The following PARG variants were observed in gnomAD, a reference collection of about 807,000 sequenced individuals.
The protein encoded by PARG is poly(ADP-ribose) glycohydrolase.
In PARG, 35 loss-of-function variants were observed where a neutral mutation model predicts 113.0. The ratio of observed to expected loss-of-function variants is 0.31; its 90% CI spans 0.24 to 0.41. PARG has a LOEUF of 0.41. Among genes scored for constraint, PARG ranks in the 10% least tolerant of loss-of-function variants. PARG has a pLI of 1.00. For synonymous variants in PARG, 330 were observed against 409.9 expected (o/e 0.81, Z 2.36); for missense variants, 797 against 1,169.4 (o/e 0.68, Z 4.64).
intron 14 of PARG, 62 bp downstream of exon 14, chr10:49,843,492 A>AGG: frequency 2.0e-6 from 2 of 985,174 alleles, no homozygotes; most frequent in Non-Finnish European, 3.2e-6. Context: ...AGAGTGTGTG[A>AGG]GGGTCAAGCC....
intron 13 of PARG, among the ~76,000 whole-genome samples, chr10:49,846,036 T>C (rs1315996339): frequency 6.6e-6 from 1 of 150,984 alleles, no homozygotes; most frequent in East Asian, 1.9e-4. Context: ...CCTAGCTAAG[T>C]TGACATTAAA....
chr10:49,842,816 C>T (rs1554832615), intron 14 of PARG, among the ~76,000 whole-genome samples: 1 of 152,116 alleles, frequency 6.6e-6, no homozygotes, highest in Non-Finnish European at 1.5e-5. Flanking sequence ...TAAACATCTA[C>T]ATAGATGTTT....
Position 49,933,808 on chromosome 10 carries a change from C to A in PARG, c.640G>T (p.Val214Leu). The A allele has an allele frequency of 4.3e-6, 7 of 1,613,384 alleles. No individual in the cohort carries two copies. Among genetic ancestry groups the A allele is most frequent in the African/African-American group, 1.3e-5 (1 of 75,048 alleles). The change falls in exon 3 of 18, where the codon GTA becomes TTA. Residue 214 changes from valine to leucine, a missense_variant. Transcript: ENST00000616448. The stretch of plus-strand genomic sequence containing the variant: ...GTCTGCTTTGCATTTGCAAGCTTTA[C>A]AGTTGTGAGAAACTGTTGATTGTCT... ...NRDNQQFLTT[V>L]KLANAKQTTE...
At chr10:49,922,884 G>C (rs1364772286) in intron 4 of PARG, among the ~76,000 whole-genome samples, 2 of 152,078 alleles carry the variant, frequency 1.3e-5, no homozygotes, top group Non-Finnish European at 2.9e-5. Context: ...ATATCCCCTA[G>C]GAATCCTTCC....
At chr10:49,919,591 G>A (rs1165350433) in intron 6 of PARG, among the ~76,000 whole-genome samples, 1 of 152,080 alleles carries the variant, frequency 6.6e-6, no homozygotes, top group Non-Finnish European at 1.5e-5. Flanking sequence ...GGCCAAGGCA[G>A]GTGGATCACT....
chr10:49,823,432 T>C (rs1554829013), intron 16 of PARG, among the ~76,000 whole-genome samples: 1 of 152,166 alleles, frequency 6.6e-6, no homozygotes, highest in Non-Finnish European at 1.5e-5. Context: ...CATCAAAGTA[T>C]GTCCTAATTC....
chr10:49,833,712 T>C (rs1475231939), intron 15 of PARG, among the ~76,000 whole-genome samples: 1 of 152,226 alleles, frequency 6.6e-6, no homozygotes, highest in Non-Finnish European at 1.5e-5. Flanking sequence ...TTGGTCTTTC[T>C]GCCTTCTTTC....
intron 9 of PARG, among the ~76,000 whole-genome samples, chr10:49,877,323 CG>C (rs1564626898): frequency 1.3e-5 from 2 of 151,118 alleles, no homozygotes. Context: ...ATATGGTCTT[CG>C]GGGCTGACAC....
chr10:49,895,885 T>A (rs190376417), intron 7 of PARG, among the ~76,000 whole-genome samples: 695 of 152,294 alleles, frequency 4.6e-3, no homozygotes, highest in East Asian at 0.018. Flanking sequence ...CTATTTTTAA[T>A]GAAATTTTTA....
chr10:49,908,145 G>T (rs1554845419), intron 7 of PARG, among the ~76,000 whole-genome samples: 3 of 152,068 alleles, frequency 2.0e-5, no homozygotes, highest in African/African-American at 7.2e-5. Flanking sequence ...GTGCATAGAG[G>T]GCTCAACTAA....
intron 4 of PARG, 99 bp downstream of exon 4, chr10:49,932,001 A>T: frequency 1.4e-6 from 1 of 715,610 alleles, no homozygotes; most frequent in Non-Finnish European, 2.4e-6. Flanking sequence ...CAGAAAACAG[A>T]AGAACTTTCT....
intron 10 of PARG, among the ~76,000 whole-genome samples, 164 bp from the exon 11 acceptor site, chr10:49,865,545 A>G (rs1358571978): frequency 7.3e-6 from 1 of 137,908 alleles, no homozygotes; most frequent in Non-Finnish European, 1.6e-5. Context: ...AAAGCCTAGC[A>G]TTGGAAAATA....
At chr10:49,925,290 T>A (rs1369620052) in intron 4 of PARG, among the ~76,000 whole-genome samples, 1 of 152,114 alleles carries the variant, frequency 6.6e-6, no homozygotes, top group Non-Finnish European at 1.5e-5. Flanking sequence ...GCCTGTTACC[T>A]ACAAGCATCA....
At chr10:49,828,120 A>AAAAAAAC (rs1844463225) in intron 16 of PARG, among the ~76,000 whole-genome samples, 1 of 149,346 alleles carries the variant, frequency 6.7e-6, no homozygotes, top group Non-Finnish European at 1.5e-5. Context: ...AAAAAAAAAA[A>AAAAAAAC]AAGCTCCTTC....
rs60426487 is a variant in PARG, at chr10:49,904,917, A to AAAATAAATAAAT, written c.1737+10988_1737+10999dup. 3.9e-3 allele frequency among the ~76,000 whole-genome samples: 580 copies of AAAATAAATAAAT among 147,902 alleles called. 3 individuals carry two copies. Among genetic ancestry groups the AAAATAAATAAAT allele is most frequent in the African/African-American group, 0.011 (419 of 39,872 alleles). ...CGCAACAGACCAAGAGAACATCTCA[A>AAAATAAATAAAT]AAATAAATAAATAAATAAATAAATA... On this transcript the variant is annotated intron_variant, in intron 7 of 17. Transcript: ENST00000616448.
At chr10:49,819,932 G>A (rs112031218) in intron 17 of PARG, among the ~76,000 whole-genome samples, 7 of 152,144 alleles carry the variant, frequency 4.6e-5, no homozygotes, top group African/African-American at 9.7e-5. Context: ...ACCAACTTCA[G>A]CTTCTTGACC....
At chr10:49,927,271 C>T (rs1838219657) in intron 4 of PARG, among the ~76,000 whole-genome samples, 1 of 150,762 alleles carries the variant, frequency 6.6e-6, no homozygotes, top group Admixed American at 6.6e-5. Context: ...TGCGCCACTG[C>T]ACTCCAGCCT....
chr10:49,899,626 C>CT, intron 7 of PARG, among the ~76,000 whole-genome samples: 1 of 152,232 alleles, frequency 6.6e-6, no homozygotes, highest in South Asian at 2.1e-4. Flanking sequence ...TAGCAGCTAA[C>CT]TTATTTAGTT....
At chr10:49,828,536 T>G (rs1554829792) in intron 16 of PARG, among the ~76,000 whole-genome samples, 1 of 152,100 alleles carries the variant, frequency 6.6e-6, no homozygotes, top group Non-Finnish European at 1.5e-5. Flanking sequence ...TGGCTGCTGC[T>G]GGAGCCAGGC....
Sources: gnomAD v4.1 joint callset for allele counts (sites outside exome capture counted in the v4.1 genomes callset) on GRCh38, gnomAD v4.1.1 for gene constraint, MANE v1.5 for transcripts, NCBI Gene and HGNC (gene_info 2026-07-23, HGNC 2026-07-21) for gene names.